PTER: variants seen among roughly 807,000 people sequenced by gnomAD.
PTER encodes N-acetyltaurine hydrolase.
A neutral mutation model predicts 29.6 loss-of-function variants in PTER; 38 were observed. That is an observed-to-expected ratio of 1.28 (90% CI 0.99 to 1.68). The LOEUF is 1.68. Ranked by LOEUF, PTER falls within the 40% of genes most tolerant of loss-of-function variation. The pLI, the probability that PTER is intolerant of heterozygous loss-of-function variation, is 0.00. For synonymous variants in PTER, 172 were observed against 154.5 expected, an observed-to-expected ratio of 1.11 and a Z score of -0.84; for missense variants, 482 against 427.8, an observed-to-expected ratio of 1.13 and a Z score of -1.12.
intron 1 of PTER, among the ~76,000 whole-genome samples, chr10:16,479,565 A>G (rs1199857544): frequency 6.6e-6 from 1 of 152,172 alleles, no homozygotes; most frequent in East Asian, 1.9e-4. Flanking sequence ...TCTAGAGTGC[A>G]GCCGCGCTCT....
At chr10:16,490,150 G>A (rs191856204) in intron 3 of PTER, among the ~76,000 whole-genome samples, 4 of 152,198 alleles carry the variant, frequency 2.6e-5, no homozygotes, top group Non-Finnish European at 4.4e-5. Context: ...CTATACTTCC[G>A]CAGAATCATC....
In PTER at chr10:16,475,693, A is replaced by G. The variant is rs141695495; in HGVS notation, c.-48-8644A>G. Among the ~76,000 whole-genome samples the G allele has an allele frequency of 5.4e-3, 828 of 152,274 alleles. 9 individuals carry two copies. Among genetic ancestry groups the G allele is most frequent in the African/African-American group, 0.019 (791 of 41,554 alleles). On this transcript the variant is annotated intron_variant, in intron 1 of 4. Coordinates refer to ENST00000535784, the MANE Select transcript of PTER (RefSeq NM_001261836.2). ...CCACTGTAGGAAGCACATTCATCGA[A>G]AACGTCATTTCCAGTACTGCTTATC...
At chr10:16,473,532 A>AAAAAAAAAC (rs1835136956) in intron 1 of PTER, among the ~76,000 whole-genome samples, 1 of 150,260 alleles carries the variant, frequency 6.7e-6, no homozygotes, top group East Asian at 2.0e-4. Context: ...AAAAAAAAAA[A>AAAAAAAAAC]AAAAAAAAAA....
At chr10:16,510,894 A>G in intron 4 of PTER, 152 bp from the exon 5 acceptor site, 1 of 647,562 alleles carries the variant, frequency 1.5e-6, no homozygotes, top group South Asian at 1.9e-5. Context: ...GTCACCACAC[A>G]ATATTTATTA....
At chr10:16,497,589 T>G (rs1286320351) in intron 3 of PTER, among the ~76,000 whole-genome samples, 2 of 152,092 alleles carry the variant, frequency 1.3e-5, no homozygotes, top group East Asian at 3.9e-4. Flanking sequence ...TACCTGAGAG[T>G]TATTTGAAAC....
In PTER at chr10:16,473,971, A is replaced by C. The variant is rs143868775; in HGVS notation, c.-48-10366A>C. ...CGTGGCTCAGGCCTGTAATCCCAGC[A>C]CTTTGGGAGGCCTAGGTGGGCAGAT... On this transcript the variant is annotated intron_variant, in intron 1 of 4. Transcript: ENST00000535784. Among the ~76,000 whole-genome samples, 242 of 152,324 alleles carry C rather than the reference A, an allele frequency of 1.6e-3. 2 individuals carry two copies. Among genetic ancestry groups the C allele is most frequent in the African/African-American group, 5.4e-3 (226 of 41,586 alleles).
At chr10:16,518,280 T>C (rs1370411430), downstream of PTER, among the ~76,000 whole-genome samples, 2 of 152,244 alleles carry the variant, frequency 1.3e-5, no homozygotes, top group Non-Finnish European at 2.9e-5. Flanking sequence ...ACTGTAGTAG[T>C]GTAGTAACCA....
At chr10:16,475,021 A>G (rs564915842) in intron 1 of PTER, among the ~76,000 whole-genome samples, 2 of 152,288 alleles carry the variant, frequency 1.3e-5, no homozygotes, top group South Asian at 4.1e-4. Flanking sequence ...GTGTGTTCAC[A>G]TGGTGGAAGG....
At chr10:16,506,906 C>G (rs1836593588) in intron 4 of PTER, among the ~76,000 whole-genome samples, 1 of 151,962 alleles carries the variant, frequency 6.6e-6, no homozygotes, top group African/African-American at 2.4e-5. Context: ...GATTGCATGC[C>G]TGTGTATTGG....
At chr10:16,502,222 G>A (rs1277123543) in intron 3 of PTER, among the ~76,000 whole-genome samples, 1 of 152,118 alleles carries the variant, frequency 6.6e-6, no homozygotes, top group Non-Finnish European at 1.5e-5. Flanking sequence ...CCAGTACCCT[G>A]CCCATATTGG....
chr10:16,501,362 CACACACAT>C (rs1184753623), intron 3 of PTER, among the ~76,000 whole-genome samples: 873 of 80,646 alleles, frequency 0.011, 7 homozygotes, highest in East Asian at 0.027. Flanking sequence ...CACACACACA[CACACACAT>C]GCACACACAC....
intron 1 of PTER, among the ~76,000 whole-genome samples, chr10:16,471,471 A>C (rs1415937466): frequency 6.6e-6 from 1 of 152,180 alleles, no homozygotes; most frequent in African/African-American, 2.4e-5. Flanking sequence ...GAAGGAAAAA[A>C]AATGGTCGAT....
intron 2 of PTER, among the ~76,000 whole-genome samples, chr10:16,485,621 AT>A (rs1290333856): frequency 2.0e-5 from 3 of 151,902 alleles, no homozygotes; most frequent in Admixed American, 2.0e-4. Flanking sequence ...CCAGGACTTT[AT>A]TTTTTTAATG....
intron 1 of PTER, among the ~76,000 whole-genome samples, chr10:16,439,329 C>T (rs1484367839): frequency 6.6e-6 from 1 of 152,030 alleles, no homozygotes; most frequent in Non-Finnish European, 1.5e-5. Flanking sequence ...TTCAATATGG[C>T]TAAAGTGAGA....
chr10:16,508,797 G>A (rs906835823), intron 4 of PTER, among the ~76,000 whole-genome samples: 7 of 152,182 alleles, frequency 4.6e-5, no homozygotes, highest in African/African-American at 1.4e-4. Context: ...GACAGCCCAT[G>A]TTAAGCACTG....
At chr10:16,481,157 G>T (rs894004591) in intron 1 of PTER, among the ~76,000 whole-genome samples, 1 of 152,234 alleles carries the variant, frequency 6.6e-6, no homozygotes, top group African/African-American at 2.4e-5. Flanking sequence ...TTTGACCCAT[G>T]TGTTTGTAGC....
In PTER at chr10:16,484,704, C is replaced by A. The variant is rs113889092; in HGVS notation, c.320C>A (p.Thr107Lys). Residue 107 changes from threonine to lysine, a missense_variant, in exon 2 of 5, where the codon ACA (threonine) becomes AAA (lysine). By Grantham distance (78) the Thr-to-Lys change is moderately conservative. Coordinates refer to ENST00000535784, the MANE Select transcript of PTER (RefSeq NM_001261836.2). Reference protein sequence around the residue: ...ENTTTGISRDTQTLKRLAEET... With the variant: ...ENTTTGISRDKQTLKRLAEET... The stretch of plus-strand genomic sequence containing the variant: ...ACAACCACTGGGATTAGCCGAGACA[C>A]ACAGACGTTGAAGAGGCTTGCAGAA... 1.2e-6 allele frequency: 2 copies of A among 1,614,142 alleles called. No homozygotes were observed. The highest frequency in any genetic ancestry group is 1.7e-6 in the Non-Finnish European group (2 of 1,180,026).
At chr10:16,508,154 T>C (rs545567592) in intron 4 of PTER, among the ~76,000 whole-genome samples, 15 of 150,010 alleles carry the variant, frequency 1.0e-4, no homozygotes, top group Middle Eastern at 3.4e-3. Flanking sequence ...CTGCAAGCTC[T>C]GCCTCCCAGG....
intron 1 of PTER, among the ~76,000 whole-genome samples, chr10:16,460,905 C>T (rs951790760): frequency 4.6e-5 from 7 of 152,010 alleles, no homozygotes; most frequent in African/African-American, 1.5e-4. Context: ...TTGATAGAGA[C>T]GGGGTTTCAC....
Sources: gnomAD v4.1 joint callset for allele counts (sites outside exome capture counted in the v4.1 genomes callset) on GRCh38, gnomAD v4.1.1 for gene constraint, MANE v1.5 for transcripts, NCBI Gene and HGNC (gene_info 2026-07-23, HGNC 2026-07-21) for gene names.